Variants in LSG1 observed in about 807,000 individuals in gnomAD.
LSG1 encodes large subunit GTPase 1 homolog.
LSG1 carries 55 observed loss-of-function variants against 82.6 expected under a neutral mutation model. The observed-to-expected ratio is 0.67, with a 90% CI of 0.54 to 0.83. The LOEUF is 0.83. LSG1 is among the 40% of genes least tolerant of loss of function. The pLI, the probability that LSG1 is intolerant of heterozygous loss-of-function variation, is 0.00. For missense variants in LSG1, 809 were observed against 807.9 expected, an observed-to-expected ratio of 1.00 and a Z score of -0.02; for synonymous variants, 272 against 282.5, an observed-to-expected ratio of 0.96 and a Z score of 0.37.
At chr3:194,666,053 G>T in intron 4 of LSG1, 150 bp downstream of exon 4, 1 of 680,866 alleles carries the variant, frequency 1.5e-6, no homozygotes, top group Non-Finnish European at 2.5e-6. Flanking sequence ...AATCTTGTTT[G>T]TGCATACATC....
intron 6 of LSG1, among the ~76,000 whole-genome samples, chr3:194,659,861 G>T (rs1221027441): frequency 6.6e-6 from 1 of 152,248 alleles, no homozygotes; most frequent in Admixed American, 6.5e-5. Context: ...TCATTTAAGT[G>T]TCTGTGCCTT....
rs1483023780 is a variant in LSG1 at position 194,650,882 on chromosome 3, A to T, written c.1418T>A (p.Leu473Gln). 1 of 1,611,998 alleles carries T rather than the reference A, an allele frequency of 6.2e-7. No homozygotes were observed. The change falls in exon 10 of 14, where the codon CTA (leucine) becomes CAA (glutamine). Residue 473 changes from leucine (L) to glutamine (Q), a missense_variant and splice_region_variant. By Grantham distance (113) the Leu-to-Gln change is moderately radical. Coordinates refer to ENST00000265245, the MANE Select transcript of LSG1 (RefSeq NM_018385.3). ...QMRDHVPPVS[L>Q]VCQNIPRHVL... ...GTGTTTCCAAAGCAGAAAGGATATT[A>T]GTGATACAGGAGGAACATGATCTCT...
chr3:194,666,235 A>G lies in LSG1; in HGVS notation c.402T>C (p.Asp134=). 1.9e-6 allele frequency: 3 copies of G among 1,614,168 alleles called. No homozygotes were observed. Among genetic ancestry groups the G allele is most frequent in the Non-Finnish European group, 2.5e-6 (3 of 1,180,016 alleles). ...TPEELKQAEK[D]NFLEWRRQLV... is the part of the protein sequence containing the mutation. ...GCTGACGTCTCCATTCTAGAAAGTT[A>G]TCTTTCTCTGCTTGTTTGAGTTCTT... is the stretch of plus-strand genomic sequence containing the variant. Residue 134 remains aspartate, a synonymous_variant, in exon 4 of 14, where the codon GAT becomes GAC. Coordinates refer to ENST00000265245, the MANE Select transcript of LSG1 (RefSeq NM_018385.3).
chr3:194,655,063 A>G (rs1431372522), intron 7 of LSG1, among the ~76,000 whole-genome samples: 1 of 152,238 alleles, frequency 6.6e-6, no homozygotes, highest in African/African-American at 2.4e-5. Flanking sequence ...GTAAGACTTC[A>G]CAACCTGAGA....
intron 8 of LSG1, chr3:194,651,471 C>A: frequency 2.2e-6 from 1 of 461,944 alleles, no homozygotes; most frequent in East Asian, 4.0e-5. Context: ...ACAGCAGATG[C>A]TACAGAAAAT....
In LSG1 at chr3:194,645,557, C is replaced by T. The variant is rs866279557; in HGVS notation, c.1623+607G>A. 4.1e-4 allele frequency among the ~76,000 whole-genome samples: 23 copies of T among 55,984 alleles called. No individual in the cohort carries two copies. In the South Asian group the frequency reaches 9.8e-3, roughly 24 times the overall value. The allele number at this position is 55,984 out of a possible 152,430, so 36.7% of individuals were successfully genotyped here. ...ACAGACACACACACACACACACACA[C>T]ACACACACACACAGACAGACACACA... On this transcript the variant is annotated intron_variant, in intron 12 of 13. Coordinates refer to ENST00000265245, the MANE Select transcript of LSG1 (RefSeq NM_018385.3).
chr3:194,671,640 G>A (rs534094327), intron 1 of LSG1, among the ~76,000 whole-genome samples: 1 of 152,320 alleles, frequency 6.6e-6, no homozygotes, highest in African/African-American at 2.4e-5. Flanking sequence ...GCTTCGCAAG[G>A]ATGAGGCAAG....
At position 194,667,641 on chromosome 3, in the gene LSG1, C is replaced by T. The variant is rs1719055881; in HGVS notation, c.227-1069G>A. ...ACTAATGACTTTAAGAAGAAAATAGCAGCCAGGTGCGGTGGCTCACGTCTG... is the reference window on the plus strand; with the variant it reads ...ACTAATGACTTTAAGAAGAAAATAGTAGCCAGGTGCGGTGGCTCACGTCTG... On this transcript the variant is annotated intron_variant, in intron 2 of 13. Coordinates refer to ENST00000265245, the MANE Select transcript of LSG1 (RefSeq NM_018385.3). Among the ~76,000 whole-genome samples, 6 of 151,872 alleles carry T rather than the reference C, an allele frequency of 4.0e-5. No individual in the cohort carries two copies. The South Asian group carries it at 1.3e-3, about 32-fold the overall frequency.
At chr3:194,664,937 AAATAAATAAAT>A (rs144299887) in intron 5 of LSG1, among the ~76,000 whole-genome samples, 20,100 of 151,900 alleles carry the variant, frequency 0.13, 1,583 homozygotes, top group South Asian at 0.27. Flanking sequence ...ATAAATAAAT[AAATAAATAAAT>A]AAAAAACATA....
chr3:194,657,782 T>C (rs1387535338), intron 7 of LSG1, among the ~76,000 whole-genome samples: 1 of 151,882 alleles, frequency 6.6e-6, no homozygotes, highest in Non-Finnish European at 1.5e-5. Context: ...GGACAAAGAG[T>C]CCTCAGATCA....
Position 194,666,302 on chromosome 3 carries a change from T to C in LSG1, c.348-13A>G, listed in dbSNP as rs760819366. 16 of 1,612,432 alleles carry C rather than the reference T, an allele frequency of 9.9e-6. No homozygotes were observed. Among genetic ancestry groups the C allele is most frequent in the Middle Eastern group, 1.6e-4 (1 of 6,076 alleles). On this transcript the variant is annotated splice_polypyrimidine_tract_variant and intron_variant, in intron 3 of 13. Transcript: ENST00000265245. The stretch of plus-strand genomic sequence containing the variant: ...GTTCCAGTTTGGTCTGAAACAATCA[T>C]AGAAGGAAAAAAATTCCTCATATAA...
chr3:194,665,385 CA>C (rs749421664), intron 5 of LSG1, among the ~76,000 whole-genome samples, 171 bp downstream of exon 5: 1 of 152,128 alleles, frequency 6.6e-6, no homozygotes, highest in East Asian at 1.9e-4. Flanking sequence ...CATCTAACAA[CA>C]AAAAAACTAT....
chr3:194,643,453 C>T (rs1311579690), intron 13 of LSG1, among the ~76,000 whole-genome samples: 1 of 152,122 alleles, frequency 6.6e-6, no homozygotes, highest in African/African-American at 2.4e-5. Context: ...AAATGACGCT[C>T]AGCATCACTA....
intron 2 of LSG1, among the ~76,000 whole-genome samples, chr3:194,668,765 G>A (rs982429875): frequency 6.6e-6 from 1 of 152,122 alleles, no homozygotes; most frequent in African/African-American, 2.4e-5. Flanking sequence ...GTTCCCTGCA[G>A]CGCTATTCAC....
At chr3:194,667,942 A>AAAAAAAAAAAAAATAT (rs1416407494) in intron 2 of LSG1, among the ~76,000 whole-genome samples, 20 of 86,958 alleles carry the variant, frequency 2.3e-4, no homozygotes, top group African/African-American at 8.2e-4. Context: ...AAAAAAAAAA[A>AAAAAAAAAAAAAATAT]ATATATATAT....
At chr3:194,646,035 T>C in intron 12 of LSG1, 129 bp downstream of exon 12, 1 of 866,282 alleles carries the variant, frequency 1.2e-6, no homozygotes, top group Non-Finnish European at 1.9e-6. Flanking sequence ...CTACCCTACA[T>C]CAAGAACACA....
At chr3:194,655,725 G>A (rs1718776814) in intron 7 of LSG1, among the ~76,000 whole-genome samples, 1 of 152,050 alleles carries the variant, frequency 6.6e-6, no homozygotes, top group Admixed American at 6.5e-5. Context: ...AAAGCTGGAG[G>A]CATCACGCTA....
chr3:194,659,052 G>A lies in LSG1; in HGVS notation c.664C>T (p.Arg222Trp), dbSNP rs370971373. The A allele has an allele frequency of 1.9e-5, 30 of 1,614,024 alleles. No individual in the cohort carries two copies. Among genetic ancestry groups the A allele is most frequent in the Admixed American group, 1.7e-4 (10 of 60,006 alleles). Reference protein sequence around the residue: ...NKADLLTAEQRSAWAMYFEKE... With the variant: ...NKADLLTAEQWSAWAMYFEKE... The stretch of plus-strand genomic sequence containing the variant: ...TCGAAGTACATGGCCCAGGCACTCC[G>A]CTGCTCAGCAGTCAGCAAGTCTGCC... The change falls in exon 7 of 14, where the codon CGG (arginine) becomes TGG (tryptophan). Residue 222 changes from arginine (R) to tryptophan (W), a missense_variant. Physicochemically the swap from Arg to Trp is moderately radical, Grantham distance 101. Coordinates refer to ENST00000265245, the MANE Select transcript of LSG1 (RefSeq NM_018385.3).
In LSG1 at chr3:194,672,117, G is replaced by A. The variant is rs750624185; in HGVS notation, c.46C>T (p.Leu16Phe). The A allele has an allele frequency of 1.9e-6, 3 of 1,608,872 alleles. No individual in the cohort carries two copies. Among genetic ancestry groups the A allele is most frequent in the Non-Finnish European group, 1.7e-6 (2 of 1,179,978 alleles). The change falls in exon 1 of 14, where the codon CTT becomes TTT. Residue 16 changes from leucine to phenylalanine, a missense_variant. Leu to Phe is a conservative substitution (Grantham distance 22, BLOSUM62 0). Coordinates refer to ENST00000265245, the MANE Select transcript of LSG1 (RefSeq NM_018385.3). Reference sequence around the variant, plus strand: ...CTCCGCTGAGTCTGATGGCGCATAAGGGCCCGTCCCAGCGACCCACCGGCC... The same window carrying A: ...CTCCGCTGAGTCTGATGGCGCATAAAGGCCCGTCCCAGCGACCCACCGGCC... ...APAGGSLGRA[L>F]MRHQTQRSRS...
Sources: gnomAD v4.1 joint callset for allele counts (sites outside exome capture counted in the v4.1 genomes callset) on GRCh38, gnomAD v4.1.1 for gene constraint, MANE v1.5 for transcripts, NCBI Gene and HGNC (gene_info 2026-07-23, HGNC 2026-07-21) for gene names.